ZNF134: variants seen among roughly 807,000 people sequenced by gnomAD.
ZNF134 encodes zinc finger protein 134 (clone pHZ-15).
A neutral mutation model predicts 2.5 loss-of-function variants in ZNF134; 5 were observed. The observed-to-expected ratio is 2.03, with a 90% CI of 1.06 to 4.27. The LOEUF is 4.27. Ranked by LOEUF, ZNF134 falls within the 30% of genes most tolerant of loss-of-function variation. ZNF134 has a pLI of 0.00. For synonymous variants in ZNF134, 176 were observed against 176.2 expected (o/e 1.00, Z 0.01); for missense variants, 540 against 517.5 (o/e 1.04, Z -0.42).
chr19:57,617,181 T>C (rs986200219), intron 1 of ZNF134, among the ~76,000 whole-genome samples: 1 of 152,096 alleles, frequency 6.6e-6, no homozygotes, highest in Non-Finnish European at 1.5e-5. Flanking sequence ...GCTGAGAGAA[T>C]TGGGAGCCAC....
chr19:57,620,158 A>C lies in ZNF134; in HGVS notation c.41-2A>C. The C allele has an allele frequency of 1.2e-6, 2 of 1,608,534 alleles. No homozygotes were observed. The highest frequency in any genetic ancestry group is 1.7e-6 in the Non-Finnish European group (2 of 1,176,378). On this transcript the variant is annotated splice_acceptor_variant, in intron 2 of 2. Transcript: ENST00000396161. LOFTEE classifies it high-confidence loss of function. The stretch of plus-strand genomic sequence containing the variant: ...ACATCAATAGTATTTTTCTGCCTTC[A>C]GGTTGTTGGCATGAAGTGAAGGATG...
intron 2 of ZNF134, 63 bp from the exon 3 acceptor site, chr19:57,620,097 G>A: frequency 6.4e-7 from 1 of 1,555,672 alleles, no homozygotes; most frequent in Non-Finnish European, 8.7e-7. Flanking sequence ...ACACATATTT[G>A]TGATGTAGTT....
Position 57,620,982 on chromosome 19 carries a change from A to G in ZNF134, c.863A>G (p.Tyr288Cys). Residue 288 changes from tyrosine to cysteine, a missense_variant, in exon 3 of 3, where the codon TAT (tyrosine) becomes TGT (cysteine). By Grantham distance (194) the Tyr-to-Cys change is radical. Transcript: ENST00000396161. ...HQRVHNGARP[Y>C]KCSDCGKVFR... ...AGAGTTCACAATGGAGCAAGGCCTT[A>G]TAAGTGCAGTGATTGTGGGAAAGTC... 5 of 1,614,260 alleles carry G rather than the reference A, an allele frequency of 3.1e-6. No individual in the cohort carries two copies. The highest frequency in any genetic ancestry group is 8.5e-7 in the Non-Finnish European group (1 of 1,180,052).
Position 57,621,797 on chromosome 19 carries a change from T to A in ZNF134, c.*394T>A. The A allele has an allele frequency of 3.0e-6, 1 of 331,072 alleles. No individual in the cohort carries two copies. 20.5% of individuals were successfully genotyped at this position (331,072 alleles called of 1,614,324 possible). On this transcript the variant is annotated 3_prime_UTR_variant, in exon 3 of 3. Coordinates refer to ENST00000396161, the MANE Select transcript of ZNF134 (RefSeq NM_003435.5). ...GGCTTATACAAAAAGTTTACTTTCT[T>A]CATGGATATTCTTGGTCTCACATAC...
rs184294365 is a variant in ZNF134, at chr19:57,616,839, A to G, written c.-58+2336A>G. Among the ~76,000 whole-genome samples the G allele has an allele frequency of 2.0e-3, 310 of 152,048 alleles. 1 individual carries two copies. Among genetic ancestry groups the G allele is most frequent in the Non-Finnish European group, 3.1e-3 (209 of 67,972 alleles). ...CCCTCACTTAGCCCAACACACCCCC[A>G]TTATCTCAGCAACTCAGTGTGGAGA... On this transcript the variant is annotated intron_variant, in intron 1 of 2. Transcript: ENST00000396161.
At chr19:57,619,529 G>A (rs779713261) in intron 2 of ZNF134, 21 bp downstream of exon 2, 11 of 1,587,840 alleles carry the variant, frequency 6.9e-6, no homozygotes, top group Admixed American at 5.4e-5. Context: ...GCTGAGGGAC[G>A]CCATAACCTC....
chr19:57,622,956 G>GAT lies in ZNF134; in HGVS notation c.*1555_*1556dup, dbSNP rs1279407854. The stretch of plus-strand genomic sequence containing the variant: ...ATTTAAAGTGTACGAGTTAAGTCTT[G>GAT]ATACACACACACACACACACACACA... On this transcript the variant is annotated 3_prime_UTR_variant, in exon 3 of 3. Coordinates refer to ENST00000396161, the MANE Select transcript of ZNF134 (RefSeq NM_003435.5). The GAT allele has an allele frequency of 1.2e-5, 1 of 82,498 alleles. No individual in the cohort carries two copies. The highest frequency in any genetic ancestry group is 2.3e-5 in the Non-Finnish European group (1 of 42,874). 5.1% of individuals were successfully genotyped at this position (82,498 alleles called of 1,614,324 possible). A position where few individuals can be genotyped will look rare whatever the true frequency, so the allele number is the denominator to read the frequency against.
intron 1 of ZNF134, among the ~76,000 whole-genome samples, chr19:57,617,365 A>G (rs374577115): frequency 4.6e-5 from 7 of 152,252 alleles, no homozygotes; most frequent in Admixed American, 2.6e-4. Context: ...ATGTGGATGG[A>G]TTCTGAATCA....
chr19:57,621,845 T>C lies in ZNF134; in HGVS notation c.*442T>C. 1 of 301,926 alleles carries C rather than the reference T, an allele frequency of 3.3e-6. No individual in the cohort carries two copies. The highest frequency in any genetic ancestry group is 6.5e-6 in the Non-Finnish European group (1 of 153,366). 18.7% of individuals were successfully genotyped at this position (301,926 alleles called of 1,614,324 possible). A position where few individuals can be genotyped will look rare whatever the true frequency, so the allele number is the denominator to read the frequency against. ...TACTTGTAATCAAGTTTTTCCAGCC[T>C]CCAAGTCACCTGGCCTGGGAAAGTA... On this transcript the variant is annotated 3_prime_UTR_variant, in exon 3 of 3. Transcript: ENST00000396161.
At position 57,620,169 on chromosome 19, in the gene ZNF134, A is replaced by G. The variant is rs2122128551; in HGVS notation, c.50A>G (p.His17Arg). ...GGAWTGPGCW[H>R]EVKDEESSSE... The stretch of plus-strand genomic sequence containing the variant: ...ATTTTTCTGCCTTCAGGTTGTTGGC[A>G]TGAAGTGAAGGATGAAGAGTCATCT... The change falls in exon 3 of 3, where the codon CAT becomes CGT. Residue 17 changes from histidine (H) to arginine (R), a missense_variant. Physicochemically the swap from His to Arg is conservative, Grantham distance 29. Coordinates refer to ENST00000396161, the MANE Select transcript of ZNF134 (RefSeq NM_003435.5). 6.2e-7 allele frequency: 1 copy of G among 1,610,990 alleles called. No homozygotes were observed. Among genetic ancestry groups the G allele is most frequent in the Middle Eastern group, 1.7e-4 (1 of 6,050 alleles).
At position 57,614,364 on chromosome 19, in the gene ZNF134, G is replaced by A. The variant is rs1217740126; in HGVS notation, c.-197G>A. On this transcript the variant is annotated 5_prime_UTR_variant, in exon 1 of 3. Transcript: ENST00000396161. The stretch of plus-strand genomic sequence containing the variant: ...GAAGTCGCTGTTCGCTCTGCGGAGT[G>A]GCTCGCCAGCGAAGACCCCGCCTGC... 2 of 454,334 alleles carry A rather than the reference G, an allele frequency of 4.4e-6. No homozygotes were observed. The highest frequency in any genetic ancestry group is 8.8e-6 in the Non-Finnish European group (2 of 226,130). The allele number at this position is 454,334 out of a possible 1,614,324, so 28.1% of individuals were successfully genotyped here.
chr19:57,620,809 G>T lies in ZNF134; in HGVS notation c.690G>T (p.Arg230Ser). ...VQHQRIHTGE[R>S]PYECSECGKT... The stretch of plus-strand genomic sequence containing the variant: ...ATCAGAGAATCCATACTGGAGAAAG[G>T]CCTTATGAATGCAGCGAATGTGGAA... The change falls in exon 3 of 3, where the codon AGG (arginine) becomes AGT (serine). Residue 230 changes from arginine to serine, a missense_variant. Transcript: ENST00000396161. 1 of 1,614,180 alleles carries T rather than the reference G, an allele frequency of 6.2e-7. No homozygotes were observed. The highest frequency in any genetic ancestry group is 8.5e-7 in the Non-Finnish European group (1 of 1,180,030).
At chr19:57,615,595 T>C (rs1291890200) in intron 1 of ZNF134, among the ~76,000 whole-genome samples, 2 of 152,178 alleles carry the variant, frequency 1.3e-5, no homozygotes, top group African/African-American at 4.8e-5. Context: ...AAGAGCACAC[T>C]GAACAAAGGA....
chr19:57,616,702 C>T (rs60340224), intron 1 of ZNF134, among the ~76,000 whole-genome samples: 3,883 of 152,294 alleles, frequency 0.025, 170 homozygotes, highest in African/African-American at 0.083. Context: ...ACAGTTCAGT[C>T]GATGAGATCC....
chr19:57,620,242 G>C lies in ZNF134; in HGVS notation c.123G>C (p.Lys41Asn). The change falls in exon 3 of 3, where the codon AAG becomes AAC. Residue 41 changes from lysine to asparagine, a missense_variant. By Grantham distance (94) the Lys-to-Asn change is moderately conservative. Coordinates refer to ENST00000396161, the MANE Select transcript of ZNF134 (RefSeq NM_003435.5). The stretch of plus-strand genomic sequence containing the variant: ...CAGTGTCACATGTTAATACTTCCAA[G>C]GCAGGTTTGCCCGCACAGACGGCTC... ...SIAVSHVNTS[K>N]AGLPAQTALP... 6.2e-7 allele frequency: 1 copy of C among 1,614,170 alleles called. No individual in the cohort carries two copies. Among genetic ancestry groups the C allele is most frequent in the Non-Finnish European group, 8.5e-7 (1 of 1,180,038 alleles).
At chr19:57,616,965 A>G (rs1981069988) in intron 1 of ZNF134, among the ~76,000 whole-genome samples, 1 of 152,206 alleles carries the variant, frequency 6.6e-6, no homozygotes, top group Admixed American at 6.5e-5. Flanking sequence ...TTTTGGAATT[A>G]TGTGGAAGGG....
Position 57,621,032 on chromosome 19 carries a change from C to T in ZNF134, c.913C>T (p.Gln305Ter). Residue 305 changes from glutamine to a stop codon, truncating the protein, a stop_gained, in exon 3 of 3, where the codon CAG becomes TAG. Coordinates refer to ENST00000396161, the MANE Select transcript of ZNF134 (RefSeq NM_003435.5). LOFTEE classifies it low-confidence loss of function (END_TRUNC). Reference protein sequence around the residue: ...KVFRHKSTLVQHESIHTGENP... With the variant: ...KVFRHKSTLV ...CTTCAGACACAAATCTACACTTGTT[C>T]AGCATGAGAGTATTCACACTGGAGA... 6.2e-7 allele frequency: 1 copy of T among 1,614,138 alleles called. No homozygotes were observed. The highest frequency in any genetic ancestry group is 1.1e-5 in the South Asian group (1 of 91,078).
At position 57,624,644 on chromosome 19, in the gene ZNF134, G is replaced by C. The variant is rs1271002353; in HGVS notation, c.*3241G>C. On this transcript the variant is annotated 3_prime_UTR_variant, in exon 3 of 3. Transcript: ENST00000396161. ...TAGAAACCCAAACTTTGTTTTGCAT[G>C]ACTTGCTCTCAGGGGCACTCCCACA... The C allele has an allele frequency of 6.6e-6, 1 of 152,196 alleles. No homozygotes were observed. Among genetic ancestry groups the C allele is most frequent in the Non-Finnish European group, 1.5e-5 (1 of 68,054 alleles). The allele number at this position is 152,196 out of a possible 1,614,324, so 9.4% of individuals were successfully genotyped here. A position where few individuals can be genotyped will look rare whatever the true frequency, so the allele number is the denominator to read the frequency against.
rs1184672821 is a variant in ZNF134 at position 57,614,246 on chromosome 19, T to G, written c.-315T>G. ...GGGACTTCCGGTATCTTCCTCGCGG[T>G]GGACATCTTGTCGGCTCTTAGGTGG... On this transcript the variant is annotated 5_prime_UTR_variant, in exon 1 of 3. Transcript: ENST00000396161. 2 of 420,084 alleles carry G rather than the reference T, an allele frequency of 4.8e-6. No homozygotes were observed. The highest frequency in any genetic ancestry group is 9.7e-6 in the Non-Finnish European group (2 of 206,018). The allele number at this position is 420,084 out of a possible 1,614,324, so 26.0% of individuals were successfully genotyped here.
Sources: allele counts gnomAD v4.1 joint callset (sites outside exome capture counted in the v4.1 genomes callset), GRCh38; gene constraint gnomAD v4.1.1; transcripts MANE v1.5; gene names NCBI Gene and HGNC (gene_info 2026-07-23, HGNC 2026-07-21).